Variants in WDPCP observed in about 807,000 individuals in gnomAD.
WDPCP encodes the protein WD repeat-containing and planar cell polarity effector protein fritz homolog.
WDPCP carries 71 observed loss-of-function variants against 93.1 expected under a neutral mutation model. The observed-to-expected ratio is 0.76, with a 90% CI of 0.63 to 0.93. The LOEUF is 0.93. Ranked by LOEUF, WDPCP falls within the 40% of genes least tolerant of loss-of-function variation. The pLI, the probability that WDPCP is intolerant of heterozygous loss-of-function variation, is 0.00. For synonymous variants in WDPCP, 315 were observed against 315.0 expected (o/e 1.00, Z 0.00); for missense variants, 844 against 887.4 (o/e 0.95, Z 0.62).
rs1700592583 is a variant in WDPCP, at chr2:63,486,670, C to T, written c.209-84G>A. The T allele has an allele frequency of 1.3e-5, 15 of 1,182,558 alleles. No homozygotes were observed. In the South Asian group the frequency reaches 2.1e-4, roughly 16 times the overall value. 73.3% of individuals were successfully genotyped at this position (1,182,558 alleles called of 1,614,324 possible). On this transcript the variant is annotated intron_variant, in intron 3 of 17. Coordinates refer to ENST00000272321, the MANE Select transcript of WDPCP (RefSeq NM_015910.7). ...ATAATGCCTTGTATTTTAATATGTA[C>T]ATGTATAAGGTATTATTAACATTAC...
chr2:63,725,107 G>T (rs904935282), intron 2 of WDPCP, among the ~76,000 whole-genome samples: 1 of 147,128 alleles, frequency 6.8e-6, no homozygotes, highest in Admixed American at 6.7e-5. Context: ...TGGGGAAATT[G>T]TTTGTCACAA....
At chr2:63,405,532 A>AGTGTGT (rs55807956) in intron 9 of WDPCP, among the ~76,000 whole-genome samples, 3,088 of 124,952 alleles carry the variant, frequency 0.025, 85 homozygotes, top group African/African-American at 0.036. Context: ...ATTTTGGTAT[A>AGTGTGT]GTGTGTGTGT....
At position 63,575,469 on chromosome 2, in the gene WDPCP, A is replaced by G. The variant is rs74209002; in HGVS notation, c.75+12728T>C. ...TACACTGTATATACAGTATATATGC[A>G]GTATATACAGTGTATATATAGTATA... is the stretch of plus-strand genomic sequence containing the variant. On this transcript the variant is annotated intron_variant, in intron 1 of 17. Transcript: ENST00000272321. 2.3e-3 allele frequency among the ~76,000 whole-genome samples: 37 copies of G among 16,328 alleles called. 13 individuals are homozygous for G. In the East Asian group the frequency reaches 0.12, roughly 54 times the overall value. The allele number at this position is 16,328 out of a possible 152,430, so 10.7% of individuals were successfully genotyped here. A position where few individuals can be genotyped will look rare whatever the true frequency, so the allele number is the denominator to read the frequency against.
chr2:63,384,659 G>A (rs951933447), intron 10 of WDPCP, among the ~76,000 whole-genome samples: 1 of 151,974 alleles, frequency 6.6e-6, no homozygotes. Flanking sequence ...GCTAAGGCGG[G>A]AGGACTGCTT....
At chr2:63,465,487 GTACCATTTGTGTCTCTCTAATTTTT>G (rs947990666) in intron 6 of WDPCP, among the ~76,000 whole-genome samples, 7 of 152,254 alleles carry the variant, frequency 4.6e-5, no homozygotes, top group African/African-American at 1.7e-4. Context: ...TCAGTTCACA[GTACCATTTGTGTCTCTCTAATTTTT>G]TACAGTGCCC....
At chr2:63,236,607 A>G (rs370450670) in intron 14 of WDPCP, among the ~76,000 whole-genome samples, 8 of 152,216 alleles carry the variant, frequency 5.3e-5, no homozygotes, top group African/African-American at 1.9e-4. Context: ...CCGAAACAGC[A>G]TGGTACTGGT....
intron 2 of WDPCP, among the ~76,000 whole-genome samples, chr2:63,719,139 C>A (rs139449984): frequency 6.6e-6 from 1 of 152,258 alleles, no homozygotes; most frequent in East Asian, 1.9e-4. Flanking sequence ...ACAAGAGGGA[C>A]TATGAGGGAC....
rs534458321 is a variant in WDPCP, at chr2:63,147,817, A to G, written c.2190+5097T>C. Among the ~76,000 whole-genome samples the G allele has an allele frequency of 9.9e-5, 15 of 152,140 alleles. No individual in the cohort carries two copies. The East Asian group carries it at 2.7e-3, about 28-fold the overall frequency. Reference sequence around the variant, plus strand: ...AACCTCATCTGTACTAAAAATGCAAACATTAGCTGGGAGTGGTGGCACGTG... The same window carrying G: ...AACCTCATCTGTACTAAAAATGCAAGCATTAGCTGGGAGTGGTGGCACGTG... On this transcript the variant is annotated intron_variant, in intron 17 of 17. Transcript: ENST00000272321.
intron 2 of WDPCP, among the ~76,000 whole-genome samples, chr2:63,726,281 A>T (rs144958291): frequency 0.01 from 1,566 of 152,262 alleles, 13 homozygotes; most frequent in Non-Finnish European, 0.015. Context: ...GCCAGTTATG[A>T]CAGCACCATT....
At chr2:63,383,938 A>G (rs75142000) in intron 10 of WDPCP, among the ~76,000 whole-genome samples, 2,813 of 152,278 alleles carry the variant, frequency 0.018, 87 homozygotes, top group African/African-American at 0.065. Context: ...TCTGAGTAAT[A>G]TAATGAAGCT....
chr2:63,437,945 A>G (rs1389854473), intron 7 of WDPCP: 10 of 1,537,178 alleles, frequency 6.5e-6, no homozygotes, highest in East Asian at 2.3e-5. Flanking sequence ...ATCCGAGGAT[A>G]AAGTGGATTT....
intron 9 of WDPCP, among the ~76,000 whole-genome samples, chr2:63,429,382 A>G (rs1187209329): frequency 6.6e-6 from 1 of 152,184 alleles, no homozygotes; most frequent in Non-Finnish European, 1.5e-5. Context: ...AGCAAGAAAC[A>G]CTATAAAGAG....
chr2:63,317,246 AC>A lies in WDPCP; in HGVS notation c.1749-3936del, dbSNP rs1455877272. ...TGTAATCCCAGCACTACTTAAAAAA[AC>A]AATACAAAACATTAGCTGGGCGTGG... On this transcript the variant is annotated intron_variant, in intron 12 of 17. Coordinates refer to ENST00000272321, the MANE Select transcript of WDPCP (RefSeq NM_015910.7). Among the ~76,000 whole-genome samples the A allele has an allele frequency of 5.3e-5, 8 of 152,148 alleles. No individual in the cohort carries two copies. In the East Asian group the frequency reaches 1.5e-3, roughly 29 times the overall value.
intron 17 of WDPCP, among the ~76,000 whole-genome samples, chr2:63,145,972 G>A (rs1671471203): frequency 1.3e-5 from 2 of 152,138 alleles, no homozygotes; most frequent in African/African-American, 4.8e-5. Flanking sequence ...TGTAACAATT[G>A]TGAATGGGAT....
intron 1 of WDPCP, among the ~76,000 whole-genome samples, chr2:63,520,625 C>T (rs1297415838): frequency 6.6e-6 from 1 of 152,154 alleles, no homozygotes; most frequent in East Asian, 1.9e-4. Context: ...GGCGTGATGG[C>T]TCACACCTGT....
intron 9 of WDPCP, 61 bp from the exon 10 acceptor site, chr2:63,404,718 T>C: frequency 6.3e-7 from 1 of 1,587,552 alleles, no homozygotes; most frequent in Non-Finnish European, 8.6e-7. Context: ...ACTTCACACC[T>C]AGGACTGCAT....
At chr2:63,487,413 A>C (rs1251963084) in intron 3 of WDPCP, 34 bp downstream of exon 3, 9 of 1,466,172 alleles carry the variant, frequency 6.1e-6, no homozygotes, top group East Asian at 2.3e-5. Context: ...ATATTTAGTT[A>C]ATAAAAATTA....
chr2:63,447,653 A>G (rs764818482), intron 6 of WDPCP, among the ~76,000 whole-genome samples: 3 of 152,132 alleles, frequency 2.0e-5, no homozygotes, highest in Non-Finnish European at 2.9e-5. Flanking sequence ...TCCAATTTCC[A>G]TATTTACTAA....
chr2:63,185,755 G>C (rs539288586), intron 14 of WDPCP, among the ~76,000 whole-genome samples: 2 of 152,282 alleles, frequency 1.3e-5, no homozygotes, highest in South Asian at 4.1e-4. Flanking sequence ...TAAAATTCAT[G>C]CTTGATCTTT....
Sources: gnomAD v4.1 joint callset for allele counts (sites outside exome capture counted in the v4.1 genomes callset) on GRCh38, gnomAD v4.1.1 for gene constraint, MANE v1.5 for transcripts, NCBI Gene and HGNC (gene_info 2026-07-23, HGNC 2026-07-21) for gene names.